Variants in CLEC16A observed in about 807,000 individuals in gnomAD.
CLEC16A encodes the protein protein CLEC16A.
CLEC16A carries 51 observed loss-of-function variants against 109.5 expected under a neutral mutation model. The ratio of observed to expected loss-of-function variants is 0.47; its 90% CI spans 0.37 to 0.59. The LOEUF (loss-of-function observed/expected upper bound fraction) is 0.59, where lower values mean the gene tolerates loss of function less well. Among genes scored for constraint, CLEC16A ranks in the 20% least tolerant of loss-of-function variants. The pLI is 0.00. For missense variants in CLEC16A, 1,339 were observed against 1,394.0 expected, an observed-to-expected ratio of 0.96 and a Z score of 0.63; for synonymous variants, 673 against 564.2, an observed-to-expected ratio of 1.19 and a Z score of -2.73.
chr16:11,056,241 G>C (rs12924259), intron 18 of CLEC16A, among the ~76,000 whole-genome samples: 77,866 of 151,958 alleles, frequency 0.51, 21,216 homozygotes, highest in African/African-American at 0.71. Flanking sequence ...AGCTGCATGA[G>C]CTTGAGCGAG....
chr16:10,998,475 A>G (rs1029933387), intron 10 of CLEC16A, among the ~76,000 whole-genome samples: 1 of 152,212 alleles, frequency 6.6e-6, no homozygotes, highest in Non-Finnish European at 1.5e-5. Flanking sequence ...TCTTTGCAGA[A>G]TACTTTTCCC....
intron 13 of CLEC16A, chr16:11,026,934 C>G (rs2046439020): frequency 8.9e-7 from 1 of 1,118,854 alleles, no homozygotes; most frequent in East Asian, 2.4e-5. Flanking sequence ...TGAGCTAGAA[C>G]AGACGTCTCT....
intron 19 of CLEC16A, among the ~76,000 whole-genome samples, chr16:11,104,610 TTCTC>T (rs1692383275): frequency 6.6e-6 from 1 of 152,110 alleles, no homozygotes; most frequent in African/African-American, 2.4e-5. Flanking sequence ...CTTCAAGAAC[TTCTC>T]TCCAGAGGGA....
At chr16:10,985,167 C>G (rs1012580051) in intron 10 of CLEC16A, among the ~76,000 whole-genome samples, 3 of 141,664 alleles carry the variant, frequency 2.1e-5, no homozygotes, top group African/African-American at 8.0e-5. Flanking sequence ...TGCGCCACTG[C>G]ACTCCAGCCT....
intron 22 of CLEC16A, among the ~76,000 whole-genome samples, chr16:11,154,847 A>C (rs1182355277): frequency 6.6e-6 from 1 of 152,186 alleles, no homozygotes; most frequent in Non-Finnish European, 1.5e-5. Context: ...GAATCACTTG[A>C]ACCTGGGAGT....
chr16:11,101,518 G>T (rs1395565809), intron 19 of CLEC16A, among the ~76,000 whole-genome samples: 1 of 152,182 alleles, frequency 6.6e-6, no homozygotes. Flanking sequence ...TCCCTACTGG[G>T]CTGTGAGGTC....
chr16:10,989,659 C>G (rs1443404303), intron 10 of CLEC16A, among the ~76,000 whole-genome samples: 1 of 152,202 alleles, frequency 6.6e-6, no homozygotes, highest in Non-Finnish European at 1.5e-5. Context: ...GACAGTCTGT[C>G]TGTAGATACC....
chr16:10,979,863 T>C (rs1235967159), intron 9 of CLEC16A, among the ~76,000 whole-genome samples: 1 of 152,160 alleles, frequency 6.6e-6, no homozygotes, highest in Non-Finnish European at 1.5e-5. Flanking sequence ...GTGGAAGGAA[T>C]CTTGTAGCAA....
intron 18 of CLEC16A, among the ~76,000 whole-genome samples, chr16:11,060,151 A>G (rs7194477): frequency 0.037 from 5,662 of 152,204 alleles, 393 homozygotes; most frequent in African/African-American, 0.13. Flanking sequence ...CACCACTTCT[A>G]TGGGCCAGGA....
chr16:11,050,465 CAAGG>C (rs1293362747), intron 17 of CLEC16A, among the ~76,000 whole-genome samples: 1 of 152,208 alleles, frequency 6.6e-6, no homozygotes, highest in African/African-American at 2.4e-5. Flanking sequence ...AGAGAAGACA[CAAGG>C]AAAGCTTGTG....
intron 13 of CLEC16A, among the ~76,000 whole-genome samples, chr16:11,038,120 T>C (rs954690369): frequency 1.3e-5 from 2 of 152,172 alleles, no homozygotes; most frequent in African/African-American, 4.8e-5. Context: ...TGGTATGACT[T>C]AGCCTCTTTC....
intron 22 of CLEC16A, among the ~76,000 whole-genome samples, chr16:11,149,201 G>A (rs572169680): frequency 3.3e-5 from 5 of 152,212 alleles, no homozygotes; most frequent in East Asian, 3.9e-4. Flanking sequence ...GGCAGGCAGC[G>A]GGACTTGACC....
intron 19 of CLEC16A, among the ~76,000 whole-genome samples, chr16:11,110,467 C>G (rs1284354996): frequency 6.6e-6 from 1 of 152,266 alleles, no homozygotes; most frequent in East Asian, 1.9e-4. Context: ...ATTCCATGAC[C>G]TTACGGGAAT....
Position 10,971,206 on chromosome 16 carries a change from A to G in CLEC16A, c.574A>G (p.Thr192Ala). Reference protein sequence around the residue: ...PESMVRIAVRTITLNVYKVSL... With the variant: ...PESMVRIAVRAITLNVYKVSL... ...AAGCATGGTTAGAATTGCTGTAAGA[A>G]CCATAACTTTGAATGTCTATAAAGG... is the stretch of plus-strand genomic sequence containing the variant. The change falls in exon 5 of 24, where the codon ACC becomes GCC. Residue 192 changes from threonine (T) to alanine (A), a missense_variant. Physicochemically the swap from Thr to Ala is moderately conservative, Grantham distance 58 (BLOSUM62 0). Transcript: ENST00000409790. 6.2e-7 allele frequency: 1 copy of G among 1,613,160 alleles called. No homozygotes were observed. The highest frequency in any genetic ancestry group is 8.5e-7 in the Non-Finnish European group (1 of 1,179,228).
At chr16:11,044,668 T>C (rs2047538572) in intron 16 of CLEC16A, among the ~76,000 whole-genome samples, 2 of 152,204 alleles carry the variant, frequency 1.3e-5, no homozygotes, top group African/African-American at 4.8e-5. Flanking sequence ...TGGTGGCTCA[T>C]GCCTGTAATC....
At chr16:11,167,138 T>C (rs1168418998) in intron 23 of CLEC16A, among the ~76,000 whole-genome samples, 1 of 152,090 alleles carries the variant, frequency 6.6e-6, no homozygotes, top group Non-Finnish European at 1.5e-5. Context: ...GAATGGGACA[T>C]GCACCAGCTC....
intron 13 of CLEC16A, chr16:11,026,964 G>A (rs1437770834): frequency 5.2e-5 from 75 of 1,444,116 alleles, no homozygotes; most frequent in African/African-American, 7.0e-5. Context: ...TAAACAGCGC[G>A]CGTGCTGTCT....
intron 19 of CLEC16A, among the ~76,000 whole-genome samples, chr16:11,117,277 G>A (rs1402860619): frequency 6.6e-6 from 1 of 152,138 alleles, no homozygotes; most frequent in Non-Finnish European, 1.5e-5. Context: ...TAGGTAAACT[G>A]TATACTTAAA....
chr16:11,094,719 C>G (rs927700556), intron 19 of CLEC16A, among the ~76,000 whole-genome samples: 1 of 152,246 alleles, frequency 6.6e-6, no homozygotes, highest in Non-Finnish European at 1.5e-5. Context: ...TCATTTCCCT[C>G]CTGCCTCTGC....
Sources: allele counts gnomAD v4.1 joint callset (sites outside exome capture counted in the v4.1 genomes callset), GRCh38; gene constraint gnomAD v4.1.1; transcripts MANE v1.5; gene names NCBI Gene and HGNC (gene_info 2026-07-23, HGNC 2026-07-21).